ENPEP: variants seen among roughly 807,000 people sequenced by gnomAD.
The protein encoded by ENPEP is AP-A.
ENPEP carries 103 observed loss-of-function variants against 114.5 expected under a neutral mutation model. The ratio of observed to expected loss-of-function variants is 0.90; its 90% CI spans 0.77 to 1.06. ENPEP has a LOEUF of 1.06. Among genes scored for constraint, ENPEP ranks in the 50% least tolerant of loss-of-function variants. The probability of loss-of-function intolerance (pLI) is 0.00; values close to 1 mark genes in which losing one functional copy is unlikely to be tolerated. For missense variants in ENPEP, 1,196 were observed against 1,161.3 expected, an observed-to-expected ratio of 1.03 and a Z score of -0.43; for synonymous variants, 420 against 422.0, an observed-to-expected ratio of 1.00 and a Z score of 0.06.
chr4:110,498,315 A>G (rs1389299020), intron 3 of ENPEP, among the ~76,000 whole-genome samples: 1 of 151,298 alleles, frequency 6.6e-6, no homozygotes, highest in Non-Finnish European at 1.5e-5. Flanking sequence ...GTCATTTAAA[A>G]TGATGTGGCT....
At position 110,476,879 on chromosome 4, in the gene ENPEP, G is replaced by A. The variant is rs145393212; in HGVS notation, c.465G>A (p.Val155=). The A allele has an allele frequency of 3.7e-6, 6 of 1,614,020 alleles. No individual in the cohort carries two copies. In the African/African-American group the frequency reaches 4.0e-5, roughly 11 times the overall value. ...TGAAGAGGCCCTCTGGGGACCAGGT[G>A]CAAGTCCGGAGGTGTTTCGAGTACA... is the stretch of plus-strand genomic sequence containing the variant. ...PELKRPSGDQ[V]QVRRCFEYKK... The change falls in exon 1 of 20, where the codon GTG becomes GTA. Residue 155 remains valine, a synonymous_variant. Coordinates refer to ENST00000265162, the MANE Select transcript of ENPEP (RefSeq NM_001977.4).
intron 11 of ENPEP, chr4:110,533,029 GT>G: frequency 2.3e-6 from 1 of 441,490 alleles, no homozygotes; most frequent in Non-Finnish European, 4.6e-6. Context: ...CCACTGGAAG[GT>G]TTTCAGTGGA....
chr4:110,508,286 A>AT (rs1725444516), intron 4 of ENPEP, among the ~76,000 whole-genome samples: 2 of 151,958 alleles, frequency 1.3e-5, no homozygotes, highest in Admixed American at 1.3e-4. Flanking sequence ...AAAAAAAAAA[A>AT]AATGAGATTG....
intron 3 of ENPEP, among the ~76,000 whole-genome samples, chr4:110,501,334 T>A (rs1725147288): frequency 6.6e-6 from 1 of 152,134 alleles, no homozygotes; most frequent in African/African-American, 2.4e-5. Flanking sequence ...GTTTGCTATA[T>A]AGTAAATTGC....
chr4:110,563,224 A>G lies in ENPEP; in HGVS notation c.*1666A>G, dbSNP rs1727732382. 6.6e-6 allele frequency: 1 copy of G among 152,150 alleles called. No individual in the cohort carries two copies. Among genetic ancestry groups the G allele is most frequent in the African/African-American group, 2.4e-5 (1 of 41,442 alleles). 9.4% of individuals were successfully genotyped at this position (152,150 alleles called of 1,614,324 possible). On this transcript the variant is annotated 3_prime_UTR_variant, in exon 20 of 20. Coordinates refer to ENST00000265162, the MANE Select transcript of ENPEP (RefSeq NM_001977.4). The stretch of plus-strand genomic sequence containing the variant: ...AAGTCTATGTATTGTTTCAAGTAGG[A>G]CATATTATGAGGTGAGATGGTTTAT...
intron 13 of ENPEP, 30 bp from the exon 14 acceptor site, chr4:110,548,146 T>C: frequency 1.1e-6 from 1 of 910,466 alleles, no homozygotes. Flanking sequence ...TGAGTTTTTT[T>C]TTTTTTTTTT....
In ENPEP at chr4:110,515,433, A is replaced by C; in HGVS notation, c.1500A>C (p.Lys500Asn). 6.3e-7 allele frequency: 1 copy of C among 1,590,592 alleles called. No individual in the cohort carries two copies. The highest frequency in any genetic ancestry group is 8.5e-7 in the Non-Finnish European group (1 of 1,173,638). ...GGATAAAACCAGAGAATTTTCAAAA[A>C]GGATGTCAGGTATGATTTATTACTT... Reference protein sequence around the residue: ...EDWIKPENFQKGCQMYLEKYQ... With the variant: ...EDWIKPENFQNGCQMYLEKYQ... Residue 500 changes from lysine to asparagine, a missense_variant, in exon 8 of 20, where the codon AAA becomes AAC. Coordinates refer to ENST00000265162, the MANE Select transcript of ENPEP (RefSeq NM_001977.4).
At chr4:110,513,074 G>A (rs533861145) in intron 6 of ENPEP, 35 of 162,920 alleles carry the variant, frequency 2.1e-4, no homozygotes, top group Non-Finnish European at 3.0e-4. Context: ...AATCTGTGGA[G>A]TGATGTCATC....
At chr4:110,519,874 T>C in intron 8 of ENPEP, 134 bp from the exon 9 acceptor site, 2 of 661,560 alleles carry the variant, frequency 3.0e-6, no homozygotes, top group Non-Finnish European at 2.7e-6. Flanking sequence ...GCCGTGCTCA[T>C]TCATGTACAT....
In ENPEP at chr4:110,491,023, T is replaced by G. The variant is rs752270113; in HGVS notation, c.787-10T>G. On this transcript the variant is annotated splice_polypyrimidine_tract_variant and intron_variant, in intron 2 of 19. Coordinates refer to ENST00000265162, the MANE Select transcript of ENPEP (RefSeq NM_001977.4). ...TTGATCGATAAAAGTTTATCTTTTC[T>G]TTTCAATAGAAAGAAGAGTCAGTGG... 3.4e-5 allele frequency: 55 copies of G among 1,599,674 alleles called. 1 individual carries two copies. The Admixed American group carries it at 8.6e-4, about 25-fold the overall frequency.
chr4:110,500,666 A>G (rs1390645651), intron 3 of ENPEP, among the ~76,000 whole-genome samples: 3 of 152,362 alleles, frequency 2.0e-5, no homozygotes, highest in South Asian at 2.1e-4. Context: ...AAGAAGAAAG[A>G]AAATACATGT....
chr4:110,525,153 C>G (rs1378363476), intron 10 of ENPEP, among the ~76,000 whole-genome samples: 3 of 152,192 alleles, frequency 2.0e-5, no homozygotes, highest in Non-Finnish European at 2.9e-5. Context: ...ATACAACTTG[C>G]ACAAAAATCT....
chr4:110,553,555 A>G, intron 18 of ENPEP, 100 bp downstream of exon 18: 3 of 1,140,434 alleles, frequency 2.6e-6, no homozygotes, highest in Non-Finnish European at 3.6e-6. Context: ...TCTATACAAT[A>G]TCTAAAATGG....
Position 110,509,804 on chromosome 4 carries a change from TCAGG to T in ENPEP, c.1192_1194+1del, listed in dbSNP as rs1725508437. The stretch of plus-strand genomic sequence containing the variant: ...CTGTGGTTGCCCATGAACTTGTGCA[TCAGG>T]TACAGAATCTTAGCACTGAATCAGC... On this transcript the variant is annotated splice_donor_variant and coding_sequence_variant, in exon 5 of 20. Transcript: ENST00000265162. LOFTEE classifies it high-confidence loss of function. The T allele has an allele frequency of 6.2e-7, 1 of 1,612,810 alleles. No individual in the cohort carries two copies.
chr4:110,536,453 AAGGAATC>A (rs1180972107), intron 11 of ENPEP, among the ~76,000 whole-genome samples: 1 of 152,200 alleles, frequency 6.6e-6, no homozygotes, highest in Non-Finnish European at 1.5e-5. Context: ...GAAGATAATG[AAGGAATC>A]AGGCCTAGAA....
In ENPEP at chr4:110,476,194, C is replaced by G; in HGVS notation, c.-221C>G. The G allele has an allele frequency of 1.9e-6, 1 of 527,556 alleles. No individual in the cohort carries two copies. Among genetic ancestry groups the G allele is most frequent in the Non-Finnish European group, 3.2e-6 (1 of 307,704 alleles). 32.7% of individuals were successfully genotyped at this position (527,556 alleles called of 1,614,324 possible). A position where few individuals can be genotyped will look rare whatever the true frequency, so the allele number is the denominator to read the frequency against. The stretch of plus-strand genomic sequence containing the variant: ...TCCCACTCGGCTCCTCTTACGGAGT[C>G]CTCATTCCACCCCCCTTGTTTCCGC... On this transcript the variant is annotated 5_prime_UTR_variant, in exon 1 of 20. Transcript: ENST00000265162.
rs1406226036 is a variant in ENPEP at position 110,534,798 on chromosome 4, C to T, written c.1807+3521C>T. On this transcript the variant is annotated intron_variant, in intron 11 of 19. Coordinates refer to ENST00000265162, the MANE Select transcript of ENPEP (RefSeq NM_001977.4). ...TGCTGGGATTATAGGCATGAGCCAC[C>T]GCGCCTGGCCTCTCTTTTTTTTTTC... Among the ~76,000 whole-genome samples the T allele has an allele frequency of 3.3e-5, 5 of 151,564 alleles. No individual in the cohort carries two copies. The South Asian group carries it at 8.3e-4, about 25-fold the overall frequency.
rs1306092331 is a variant in ENPEP, at chr4:110,516,824, C to A, written c.1509+1382C>A. Among the ~76,000 whole-genome samples the A allele has an allele frequency of 3.9e-5, 6 of 152,130 alleles. No homozygotes were observed. The East Asian group carries it at 9.6e-4, about 24-fold the overall frequency. ...CTATTAGTAAAATATTTTGTAGAGA[C>A]ATTAGGTGCAAAGAGAGAAGCTATG... On this transcript the variant is annotated intron_variant, in intron 8 of 19. Transcript: ENST00000265162.
At position 110,477,066 on chromosome 4, in the gene ENPEP, T is replaced by C. The variant is rs1296619011; in HGVS notation, c.644+8T>C. On this transcript the variant is annotated splice_region_variant and intron_variant, in intron 1 of 19. Transcript: ENST00000265162. ...GGAGAACGGACAAGTCAAGTAAATA[T>C]TAATTTTTGCTTTACCTCCCTTAAG... The C allele has an allele frequency of 1.2e-6, 2 of 1,606,730 alleles. No homozygotes were observed. The highest frequency in any genetic ancestry group is 1.7e-6 in the Non-Finnish European group (2 of 1,175,584).
Sources: gnomAD v4.1 joint callset for allele counts (sites outside exome capture counted in the v4.1 genomes callset) on GRCh38, gnomAD v4.1.1 for gene constraint, MANE v1.5 for transcripts, NCBI Gene and HGNC (gene_info 2026-07-23, HGNC 2026-07-21) for gene names.